NUMA1: variants seen among roughly 807,000 people sequenced by gnomAD.
The protein encoded by NUMA1 is nuclear mitotic apparatus protein 1.
NUMA1 carries 62 observed loss-of-function variants against 237.1 expected under a neutral mutation model. That is an observed-to-expected ratio of 0.26 (90% confidence interval 0.21 to 0.32). The LOEUF (loss-of-function observed/expected upper bound fraction) is 0.32, where lower values mean the gene tolerates loss of function less well. Among genes scored for constraint, NUMA1 ranks in the 10% least tolerant of loss-of-function variants. The probability of loss-of-function intolerance (pLI) is 1.00; values close to 1 mark genes in which losing one functional copy is unlikely to be tolerated. For synonymous variants in NUMA1, 1,028 were observed against 1,066.1 expected (o/e 0.96, Z 0.70); for missense variants, 2,533 against 2,666.5 (o/e 0.95, Z 1.10).
At chr11:72,061,771 A>G (rs1315424895) in intron 2 of NUMA1, among the ~76,000 whole-genome samples, 1 of 151,966 alleles carries the variant, frequency 6.6e-6, no homozygotes, top group Non-Finnish European at 1.5e-5. Context: ...TATAGGCATG[A>G]GCCACCATGC....
intron 2 of NUMA1, among the ~76,000 whole-genome samples, chr11:72,059,679 G>A (rs1258260679): frequency 1.3e-5 from 2 of 152,184 alleles, no homozygotes; most frequent in East Asian, 1.9e-4. Flanking sequence ...TGTTTTGCAT[G>A]TCAAAGAATG....
chr11:72,055,763 T>A (rs1340266879), intron 2 of NUMA1, among the ~76,000 whole-genome samples: 1 of 151,674 alleles, frequency 6.6e-6, no homozygotes, highest in African/African-American at 2.4e-5. Flanking sequence ...GAGGATCACT[T>A]GAGCCCAGGA....
At position 72,018,415 on chromosome 11, in the gene NUMA1, G is replaced by A. The variant is rs1292737440; in HGVS notation, c.841C>T (p.Leu281=). The A allele has an allele frequency of 6.2e-7, 1 of 1,614,044 alleles. No homozygotes were observed. Among genetic ancestry groups the A allele is most frequent in the East Asian group, 2.2e-5 (1 of 44,882 alleles). Residue 281 remains leucine (L), a synonymous_variant, in exon 11 of 27, where the codon CTG becomes TTG. Transcript: ENST00000393695. ...SPLEPKELEE[L]RDKNESLTMR... is the part of the protein sequence containing the mutation. Reference sequence around the variant, plus strand: ...CTGTACCTCTCATTCTTGTCACGCAGCTCCTCAAGCTCCTTGGGCTCCAGT... The same window carrying A: ...CTGTACCTCTCATTCTTGTCACGCAACTCCTCAAGCTCCTTGGGCTCCAGT...
chr11:72,019,531 C>G lies in NUMA1; in HGVS notation c.547G>C (p.Glu183Gln), dbSNP rs766934420. 1.2e-6 allele frequency: 2 copies of G among 1,613,860 alleles called. No individual in the cohort carries two copies. Among genetic ancestry groups the G allele is most frequent in the Non-Finnish European group, 1.7e-6 (2 of 1,179,834 alleles). ...GAAGAGGAGGCAACCTTCTGTAGCT[C>G]TAGGAAGCGAATCTCCCTCTTGGCC... ...HQAKREIRFL[E>Q]LQKVASSSSG... is the part of the protein sequence containing the mutation. Residue 183 changes from glutamate to glutamine, a missense_variant, in exon 9 of 27, where the codon GAG (glutamate) becomes CAG (glutamine). Transcript: ENST00000393695.
At chr11:72,056,853 C>A (rs1400348344) in intron 2 of NUMA1, among the ~76,000 whole-genome samples, 2 of 151,842 alleles carry the variant, frequency 1.3e-5, no homozygotes, top group Non-Finnish European at 2.9e-5. Context: ...GTGAAAGAAT[C>A]TGACAGGACT....
intron 2 of NUMA1, among the ~76,000 whole-genome samples, chr11:72,055,738 A>G (rs1484313878): frequency 6.6e-6 from 1 of 151,948 alleles, no homozygotes; most frequent in African/African-American, 2.4e-5. Flanking sequence ...CCAATGGCTC[A>G]GGAGGCTGAG....
At chr11:72,080,420 C>A (rs1158377916) in intron 1 of NUMA1, 38 bp downstream of exon 1, 1 of 152,198 alleles carries the variant, frequency 6.6e-6, no homozygotes, top group Non-Finnish European at 1.5e-5. Flanking sequence ...CGCAGGGGTG[C>A]CCAGGCCGCA....
At chr11:72,016,975 ATTT>A (rs67134844) in intron 13 of NUMA1, 9 of 153,384 alleles carry the variant, frequency 5.9e-5, no homozygotes, top group Admixed American at 1.3e-4. Context: ...TTCATCCCTA[ATTT>A]TTTTTTTTTT....
Position 72,008,804 on chromosome 11 carries a change from G to A in NUMA1, c.5100C>T (p.Phe1700=). The A allele has an allele frequency of 6.2e-7, 1 of 1,614,120 alleles. No individual in the cohort carries two copies. Among genetic ancestry groups the A allele is most frequent in the Non-Finnish European group, 8.5e-7 (1 of 1,180,026 alleles). ...TCTTTAAAGCATCAGTTGCCACCTG[G>A]AATTTGCCCAGGTCTCGAAGCTGCT... ...ADQQLRDLGK[F]QVATDALKSR... The change falls in exon 20 of 27, where the codon TTC becomes TTT. Residue 1700 remains phenylalanine, a synonymous_variant. Transcript: ENST00000393695.
intron 3 of NUMA1, among the ~76,000 whole-genome samples, chr11:72,034,579 G>A (rs1054607536): frequency 6.6e-6 from 1 of 151,958 alleles, no homozygotes; most frequent in Admixed American, 6.6e-5. Context: ...ATGGTGGCGT[G>A]CACCTGTAAT....
chr11:72,024,244 T>C, intron 5 of NUMA1, 30 bp downstream of exon 5: 1 of 1,605,758 alleles, frequency 6.2e-7, no homozygotes, highest in East Asian at 2.2e-5. Flanking sequence ...GGAAGCAGCT[T>C]CTTCATAGCT....
At chr11:72,072,682 T>G (rs986630905) in intron 1 of NUMA1, among the ~76,000 whole-genome samples, 1 of 152,114 alleles carries the variant, frequency 6.6e-6, no homozygotes, top group Non-Finnish European at 1.5e-5. Context: ...TTACCTTGGT[T>G]CTCTCCTCCC....
rs1956250385 is a variant in NUMA1, at chr11:72,012,922, C to G, written c.4581G>C (p.Gln1527His). The change falls in exon 15 of 27, where the codon CAG becomes CAC. Residue 1527 changes from glutamine (Q) to histidine (H), a missense_variant. Physicochemically the swap from Gln to His is conservative, Grantham distance 24 (BLOSUM62 0). Around this residue, in one of 3 missense-constraint regions of NUMA1, gnomAD observed 324 missense variants for 407.6 expected, o/e 0.79. Transcript: ENST00000393695. Reference protein sequence around the residue: ...VKVLEERQRFQEERQKLTAQV... With the variant: ...VKVLEERQRFHEERQKLTAQV... ...GGGCAGTGAGTTTCTGCCTCTCTTC[C>G]TGGAACCGCTGCCTCTCCTCCAGGA... 3.7e-6 allele frequency: 6 copies of G among 1,613,988 alleles called. No homozygotes were observed. The highest frequency in any genetic ancestry group is 1.3e-5 in the African/African-American group (1 of 74,922).
In NUMA1 at chr11:72,010,784, AC is replaced by A; in HGVS notation, c.4719+1del. 6.2e-7 allele frequency: 1 copy of A among 1,609,616 alleles called. No homozygotes were observed. Among genetic ancestry groups the A allele is most frequent in the South Asian group, 1.1e-5 (1 of 90,816 alleles). On this transcript the variant is annotated splice_donor_variant, in intron 17 of 26. Coordinates refer to ENST00000393695, the MANE Select transcript of NUMA1 (RefSeq NM_006185.4). LOFTEE classifies it high-confidence loss of function. ...CCAGACCCATTCCCCCAGCTGCCCC[AC>A]CTTCAGCTTCTGCTGCTGCACCTTG... is the stretch of plus-strand genomic sequence containing the variant.
Position 72,023,093 on chromosome 11 carries a change from A to G in NUMA1, c.263T>C (p.Leu88Pro). 1 of 1,613,894 alleles carries G rather than the reference A, an allele frequency of 6.2e-7. No homozygotes were observed. The highest frequency in any genetic ancestry group is 8.5e-7 in the Non-Finnish European group (1 of 1,179,874). Residue 88 changes from leucine (L) to proline (P), a missense_variant, in exon 6 of 27, where the codon CTA becomes CCA. Transcript: ENST00000393695. ...CGCCAGTTCCAGCTCTGATCCCTCT[A>G]GCACCTTCTGTGCAGATACCAGGCA... ...PECLVSAQKV[L>P]EGSELELAKM... is the part of the protein sequence containing the mutation.
chr11:72,037,430 C>T (rs1038117176), intron 2 of NUMA1, among the ~76,000 whole-genome samples: 10 of 152,124 alleles, frequency 6.6e-5, no homozygotes, highest in East Asian at 1.9e-4. Context: ...GGCGTGAACC[C>T]GGGAGGCGGA....
chr11:72,009,203 G>C lies in NUMA1; in HGVS notation c.4840-18C>G, dbSNP rs760722340. 2.9e-5 allele frequency: 15 copies of C among 521,230 alleles called. No homozygotes were observed. Among genetic ancestry groups the C allele is most frequent in the Non-Finnish European group, 5.2e-5 (15 of 286,366 alleles). The allele number at this position is 521,230 out of a possible 1,614,324, so 32.3% of individuals were successfully genotyped here. ...TTCTCCATCTGTGGGCAGAGAGGGT[G>C]GGTGGGTGGGGTAGAGGTTGAAGGG... is the stretch of plus-strand genomic sequence containing the variant. On this transcript the variant is annotated intron_variant, in intron 18 of 26. Coordinates refer to ENST00000393695, the MANE Select transcript of NUMA1 (RefSeq NM_006185.4).
chr11:72,010,435 T>C (rs2134742451), intron 17 of NUMA1, among the ~76,000 whole-genome samples: 2 of 152,374 alleles, frequency 1.3e-5, no homozygotes, highest in Admixed American at 1.3e-4. Flanking sequence ...ATGTTCTGTA[T>C]CTGCGCTGTC....
rs551513959 is a variant in NUMA1, at chr11:72,018,598, G to A, written c.743-85C>T. 2.6e-4 allele frequency: 327 copies of A among 1,251,692 alleles called. 1 individual carries two copies. The highest frequency in any genetic ancestry group is 3.7e-4 in the Non-Finnish European group (317 of 865,366). The allele number at this position is 1,251,692 out of a possible 1,614,324, so 77.5% of individuals were successfully genotyped here. A position where few individuals can be genotyped will look rare whatever the true frequency, so the allele number is the denominator to read the frequency against. ...TGTGCACAGAACTATGTGCACAAGG[G>A]GAAGGGAGGAGACGGCATAGGGAAG... On this transcript the variant is annotated intron_variant, in intron 10 of 26. Transcript: ENST00000393695.
Sources: gnomAD v4.1 joint callset for allele counts (sites outside exome capture counted in the v4.1 genomes callset) on GRCh38, gnomAD v4.1.1 for gene constraint, gnomAD v4.1.1 regional missense constraint, MANE v1.5 for transcripts, NCBI Gene and HGNC (gene_info 2026-07-23, HGNC 2026-07-21) for gene names.